The following AJAP1 variants were observed in gnomAD, a reference collection of about 807,000 sequenced individuals.
AJAP1 encodes the protein adherens junction-associated protein 1.
In AJAP1, 5 loss-of-function variants were observed where a neutral mutation model predicts 35.0. That is an observed-to-expected ratio of 0.14 (90% CI 0.07 to 0.30). The LOEUF is 0.30. AJAP1 is among the 10% of genes least tolerant of loss of function. The pLI, the probability that AJAP1 is intolerant of heterozygous loss-of-function variation, is 1.00. For synonymous variants in AJAP1, 284 were observed against 249.3 expected, an observed-to-expected ratio of 1.14 and a Z score of -1.31; for missense variants, 586 against 571.0, an observed-to-expected ratio of 1.03 and a Z score of -0.27.
At chr1:4,686,084 C>T (rs1639598277) in intron 1 of AJAP1, among the ~76,000 whole-genome samples, 1 of 152,218 alleles carries the variant, frequency 6.6e-6, no homozygotes, top group Non-Finnish European at 1.5e-5. Flanking sequence ...GTGTATCTGG[C>T]ATGTGCCAGG....
At chr1:4,719,281 G>A (rs760539445) in intron 2 of AJAP1, among the ~76,000 whole-genome samples, 4 of 152,068 alleles carry the variant, frequency 2.6e-5, no homozygotes, top group East Asian at 3.9e-4. Context: ...GGGTAGGAGC[G>A]GGATGAGGAG....
intron 5 of AJAP1, among the ~76,000 whole-genome samples, chr1:4,776,495 CCCAGGGAT>C (rs1449392834): frequency 6.6e-6 from 1 of 152,176 alleles, no homozygotes; most frequent in East Asian, 1.9e-4. Flanking sequence ...CAGGCCTGAG[CCCAGGGAT>C]CCTTCTTTTC....
chr1:4,745,817 G>T (rs1292837273), intron 2 of AJAP1, among the ~76,000 whole-genome samples: 1 of 152,156 alleles, frequency 6.6e-6, no homozygotes, highest in Non-Finnish European at 1.5e-5. Flanking sequence ...CTCTGTTGCT[G>T]GGGGCGAGTC....
intron 2 of AJAP1, among the ~76,000 whole-genome samples, chr1:4,713,030 G>A (rs977764910): frequency 1.6e-4 from 25 of 152,276 alleles, no homozygotes; most frequent in African/African-American, 4.3e-4. Flanking sequence ...ACACAGCCAC[G>A]CCTTCCAGAA....
chr1:4,747,534 AC>A (rs1168516530), intron 2 of AJAP1, among the ~76,000 whole-genome samples: 1 of 152,134 alleles, frequency 6.6e-6, no homozygotes, highest in Non-Finnish European at 1.5e-5. Flanking sequence ...TAGGCACTGA[AC>A]CATCCTCCCA....
At chr1:4,660,032 G>A (rs1638967347) in intron 1 of AJAP1, among the ~76,000 whole-genome samples, 1 of 152,324 alleles carries the variant, frequency 6.6e-6, no homozygotes. Context: ...CTCTCAGCAC[G>A]CTGCCTATGG....
chr1:4,702,240 C>G (rs1300815847), intron 1 of AJAP1, among the ~76,000 whole-genome samples: 1 of 152,176 alleles, frequency 6.6e-6, no homozygotes, highest in Non-Finnish European at 1.5e-5. Context: ...GTTGGGACCT[C>G]GTTCCTGAGC....
At chr1:4,703,702 G>A (rs1378515216) in intron 1 of AJAP1, among the ~76,000 whole-genome samples, 1 of 152,216 alleles carries the variant, frequency 6.6e-6, no homozygotes, top group Admixed American at 6.5e-5. Flanking sequence ...CCTATCCAAA[G>A]ATCAGGGGTT....
chr1:4,713,947 G>A (rs1640329896), intron 2 of AJAP1, among the ~76,000 whole-genome samples: 1 of 152,172 alleles, frequency 6.6e-6, no homozygotes, highest in South Asian at 2.1e-4. Flanking sequence ...TGGCATCCAG[G>A]CCCTCTGCGT....
In AJAP1 at chr1:4,791,639, T is replaced by A. The variant is rs932303508; in HGVS notation, c.*9154T>A. ...TAAGTGGAAAAGGTGGTCAACCATT[T>A]GGATGTTTGACTTTCACAACATCAA... On this transcript the variant is annotated 3_prime_UTR_variant, in exon 6 of 6. Transcript: ENST00000378191. 2 of 152,260 alleles carry A rather than the reference T, an allele frequency of 1.3e-5. No individual in the cohort carries two copies. Among genetic ancestry groups the A allele is most frequent in the Non-Finnish European group, 2.9e-5 (2 of 68,048 alleles). The allele number at this position is 152,260 out of a possible 1,614,324, so 9.4% of individuals were successfully genotyped here.
At position 4,677,025 on chromosome 1, in the gene AJAP1, C is replaced by T. The variant is rs186904121; in HGVS notation, c.29+21571C>T. 3.3e-5 allele frequency among the ~76,000 whole-genome samples: 5 copies of T among 152,244 alleles called. No individual in the cohort carries two copies. In the East Asian group the frequency reaches 5.8e-4, roughly 18 times the overall value. ...TACAAAAGTTAGCTGGGTGTGGTGG[C>T]GTGTGCCTGTAATCTCAGGTACTTG... On this transcript the variant is annotated intron_variant, in intron 1 of 5. Transcript: ENST00000378191.
chr1:4,703,158 G>T (rs932937039), intron 1 of AJAP1, among the ~76,000 whole-genome samples: 28 of 152,198 alleles, frequency 1.8e-4, no homozygotes, highest in African/African-American at 6.3e-4. Flanking sequence ...GCGCGGAGTG[G>T]CTCTGACAGG....
At position 4,746,498 on chromosome 1, in the gene AJAP1, G is replaced by A. The variant is rs553992469; in HGVS notation, c.830-23355G>A. On this transcript the variant is annotated intron_variant, in intron 2 of 5. Transcript: ENST00000378191. ...AAACATGAGCAATAACGGGTGGGAC[G>A]GGCCCAGCAGAGCACCTGGCATAGA... Among the ~76,000 whole-genome samples the A allele has an allele frequency of 9.2e-5, 14 of 152,170 alleles. No individual in the cohort carries two copies. In the South Asian group the frequency reaches 1.2e-3, roughly 14 times the overall value.
intron 3 of AJAP1, among the ~76,000 whole-genome samples, 167 bp downstream of exon 3, chr1:4,770,107 C>T (rs1307102710): frequency 6.6e-6 from 1 of 152,194 alleles, no homozygotes; most frequent in Non-Finnish European, 1.5e-5. Flanking sequence ...GCCCTTTGGC[C>T]CGGCCCCTCT....
chr1:4,757,748 C>T (rs1180761100), intron 2 of AJAP1, among the ~76,000 whole-genome samples: 3 of 152,256 alleles, frequency 2.0e-5, no homozygotes, highest in Non-Finnish European at 4.4e-5. Context: ...TGTTCCCCTA[C>T]TGCAGCCTTT....
chr1:4,751,577 C>T (rs1248877875), intron 2 of AJAP1, among the ~76,000 whole-genome samples: 1 of 152,238 alleles, frequency 6.6e-6, no homozygotes, highest in African/African-American at 2.4e-5. Flanking sequence ...AAGAGAGACA[C>T]CTGCCTCTGC....
intron 2 of AJAP1, among the ~76,000 whole-genome samples, chr1:4,744,320 G>A (rs1347934563): frequency 1.3e-5 from 2 of 151,044 alleles, no homozygotes; most frequent in African/African-American, 4.8e-5. Context: ...GGACTCTCAC[G>A]TATTTTTTCC....
In AJAP1 at chr1:4,720,187, G is replaced by A. The variant is rs1291021064; in HGVS notation, c.829+7488G>A. On this transcript the variant is annotated intron_variant, in intron 2 of 5. Transcript: ENST00000378191. This position sits in a 1 kb window ranked among gnomAD's most constrained non-coding sequence, Gnocchi z 4.4. Reference sequence around the variant, plus strand: ...GACTCAGCCAAATTCAGAGGCAGACGAACGAGTAATGGACCCATGTGCCAC... The same window carrying A: ...GACTCAGCCAAATTCAGAGGCAGACAAACGAGTAATGGACCCATGTGCCAC... 2.0e-5 allele frequency among the ~76,000 whole-genome samples: 3 copies of A among 152,198 alleles called. No homozygotes were observed. The highest frequency in any genetic ancestry group is 7.2e-5 in the African/African-American group (3 of 41,448).
chr1:4,748,400 C>T (rs1263017059), intron 2 of AJAP1, among the ~76,000 whole-genome samples: 3 of 152,280 alleles, frequency 2.0e-5, no homozygotes, highest in African/African-American at 7.2e-5. Context: ...GGAGGCACTG[C>T]CTAGGCGTCG....
Sources: allele counts gnomAD v4.1 joint callset (sites outside exome capture counted in the v4.1 genomes callset), GRCh38; gene constraint gnomAD v4.1.1; non-coding constraint Gnocchi (gnomAD v3.1); transcripts MANE v1.5; gene names NCBI Gene and HGNC (gene_info 2026-07-23, HGNC 2026-07-21).